MAP2: variants seen among roughly 807,000 people sequenced by gnomAD.
MAP2 encodes microtubule-associated protein 2.
Under a neutral mutation model 137.6 loss-of-function variants are expected in MAP2, and 14 were observed. The observed-to-expected ratio is 0.10, with a 90% confidence interval of 0.07 to 0.16. MAP2 has a LOEUF of 0.16. Ranked by LOEUF, MAP2 falls within the 10% of genes least tolerant of loss-of-function variation. The probability of loss-of-function intolerance (pLI) is 1.00; values close to 1 mark genes in which losing one functional copy is unlikely to be tolerated. For missense variants in MAP2, 2,088 were observed against 2,191.5 expected, an observed-to-expected ratio of 0.95 and a Z score of 0.94; for synonymous variants, 786 against 782.3, an observed-to-expected ratio of 1.00 and a Z score of -0.08.
At position 209,695,405 on chromosome 2, in the gene MAP2, A is replaced by T. The variant is rs2059937141; in HGVS notation, c.3235A>T (p.Thr1079Ser). ...ELKLEATQDM[T>S]PSSKAPQEAD... is the part of the protein sequence containing the mutation. ...AAAACTTGAGGCTACACAGGACATG[A>T]CCCCCTCATCCAAAGCACCGCAGGA... is the stretch of plus-strand genomic sequence containing the variant. The change falls in exon 8 of 16, where the codon ACC (threonine) becomes TCC (serine). Residue 1079 changes from threonine (T) to serine (S), a missense_variant. Around this residue, in one of 6 missense-constraint regions of MAP2, gnomAD observed 500 missense variants for 482.9 expected, o/e 1.04. Transcript: ENST00000682079. 6.2e-7 allele frequency: 1 copy of T among 1,612,980 alleles called. No individual in the cohort carries two copies. The highest frequency in any genetic ancestry group is 8.5e-7 in the Non-Finnish European group (1 of 1,179,596).
intron 3 of MAP2, among the ~76,000 whole-genome samples, chr2:209,616,408 C>T (rs931253583): frequency 6.9e-6 from 1 of 145,094 alleles, no homozygotes; most frequent in Admixed American, 6.7e-5. Flanking sequence ...CTTCAAAGAC[C>T]AAATTTGATT....
At chr2:209,672,264 C>T (rs1450228822) in intron 5 of MAP2, among the ~76,000 whole-genome samples, 2 of 151,582 alleles carry the variant, frequency 1.3e-5, no homozygotes, top group African/African-American at 2.4e-5. Flanking sequence ...TGTTAGGGTC[C>T]CAGCAGTGAC....
At chr2:209,668,287 A>C (rs2047222267) in intron 5 of MAP2, among the ~76,000 whole-genome samples, 1 of 152,028 alleles carries the variant, frequency 6.6e-6, no homozygotes, top group Non-Finnish European at 1.5e-5. Flanking sequence ...CAGTGGAGAG[A>C]TGCAGCTATA....
chr2:209,432,078 T>C (rs1360896743), intron 1 of MAP2, among the ~76,000 whole-genome samples: 1 of 152,214 alleles, frequency 6.6e-6, no homozygotes, highest in Non-Finnish European at 1.5e-5. Flanking sequence ...GATTTGAGTC[T>C]GTATTTAAAC....
intron 2 of MAP2, among the ~76,000 whole-genome samples, chr2:209,524,341 T>C (rs1278042431): frequency 6.6e-6 from 1 of 152,076 alleles, no homozygotes; most frequent in Non-Finnish European, 1.5e-5. Flanking sequence ...TTTTTTTTAT[T>C]TTTAACACAC....
intron 1 of MAP2, among the ~76,000 whole-genome samples, chr2:209,425,665 A>AGTT (rs1198972316): frequency 6.6e-6 from 1 of 152,228 alleles, no homozygotes; most frequent in Non-Finnish European, 1.5e-5. Context: ...TGGAGAACAA[A>AGTT]GCCTTCTATG....
At chr2:209,425,132 A>G (rs139259352) in intron 1 of MAP2, among the ~76,000 whole-genome samples, 1 of 152,258 alleles carries the variant, frequency 6.6e-6, no homozygotes, top group East Asian at 1.9e-4. Context: ...GGATGGAGTC[A>G]GAAAAAAAAT....
chr2:209,487,087 T>C (rs983263483), intron 1 of MAP2, among the ~76,000 whole-genome samples: 4 of 152,256 alleles, frequency 2.6e-5, no homozygotes, highest in South Asian at 2.1e-4. Flanking sequence ...AAATATACTT[T>C]ATGATAAATA....
At chr2:209,702,454 AT>A (rs566579115) in intron 11 of MAP2, among the ~76,000 whole-genome samples, 33 of 150,992 alleles carry the variant, frequency 2.2e-4, no homozygotes, top group Non-Finnish European at 3.3e-4. Context: ...CTGTTCTCTG[AT>A]TTTTTTTGGT....
chr2:209,622,367 G>A (rs1003010496), intron 3 of MAP2, among the ~76,000 whole-genome samples: 1 of 152,220 alleles, frequency 6.6e-6, no homozygotes, highest in African/African-American at 2.4e-5. Flanking sequence ...CTCAGTGTCT[G>A]TGGAGTTGGT....
At chr2:209,573,190 A>G (rs2074689790) in intron 2 of MAP2, among the ~76,000 whole-genome samples, 1 of 151,878 alleles carries the variant, frequency 6.6e-6, no homozygotes, top group African/African-American at 2.4e-5. Context: ...AACTTGTCAT[A>G]TTTTAATTAG....
At chr2:209,440,800 G>A (rs184336564) in intron 1 of MAP2, among the ~76,000 whole-genome samples, 1 of 151,610 alleles carries the variant, frequency 6.6e-6, no homozygotes, top group African/African-American at 2.4e-5. Context: ...CCAGTTATGA[G>A]TTTCCTACTG....
In MAP2 at chr2:209,696,273, C is replaced by T. The variant is rs768109414; in HGVS notation, c.4103C>T (p.Thr1368Ile). 2 of 1,606,170 alleles carry T rather than the reference C, an allele frequency of 1.2e-6. No homozygotes were observed. Among genetic ancestry groups the T allele is most frequent in the Admixed American group, 3.5e-5 (2 of 57,892 alleles). Residue 1368 changes from threonine (T) to isoleucine (I), a missense_variant, in exon 8 of 16, where the codon ACC becomes ATC. Thr to Ile is a moderately conservative substitution (Grantham distance 89). This residue lies in a region of MAP2 where 591 missense variants were observed against 642.6 expected (regional missense o/e 0.92). Coordinates refer to ENST00000682079, the MANE Select transcript of MAP2 (RefSeq NM_001375505.1). The part of the protein sequence containing the change: ...EVALSEYKTE[T>I]YDDYKDETTI... ...GCACTTTCTGAATATAAGACAGAAA[C>T]CTATGACGATTACAAAGATGAGACC...
chr2:209,694,866 G>T lies in MAP2; in HGVS notation c.2696G>T (p.Gly899Val), dbSNP rs768427991. The T allele has an allele frequency of 2.5e-6, 4 of 1,614,152 alleles. No individual in the cohort carries two copies. The highest frequency in any genetic ancestry group is 2.5e-6 in the Non-Finnish European group (3 of 1,180,020). The change falls in exon 8 of 16, where the codon GGC becomes GTC. Residue 899 changes from glycine to valine, a missense_variant. Physicochemically the swap from Gly to Val is moderately radical, Grantham distance 109. Coordinates refer to ENST00000682079, the MANE Select transcript of MAP2 (RefSeq NM_001375505.1). The part of the protein sequence containing the change: ...LSGESGTFYE[G>V]TDDKVRRDLA... ...GGGGAGAGTGGTACCTTTTACGAAG[G>T]CACTGATGATAAAGTTCGAAGAGAT...
chr2:209,691,842 A>G (rs1439172118), intron 7 of MAP2, among the ~76,000 whole-genome samples: 3 of 152,330 alleles, frequency 2.0e-5, no homozygotes, highest in East Asian at 3.9e-4. Context: ...TCCCAGTATC[A>G]ACAGTGTAAT....
intron 4 of MAP2, among the ~76,000 whole-genome samples, chr2:209,643,128 AG>A (rs749502732): frequency 3.3e-5 from 5 of 152,220 alleles, no homozygotes; most frequent in Non-Finnish European, 7.3e-5. Flanking sequence ...CAGAACACAT[AG>A]AAAACATTCT....
rs141235153 is a variant in MAP2, at chr2:209,695,754, A to C, written c.3584A>C (p.Glu1195Ala). The C allele has an allele frequency of 9.3e-6, 15 of 1,613,956 alleles. No individual in the cohort carries two copies. The highest frequency in any genetic ancestry group is 1.2e-5 in the Non-Finnish European group (14 of 1,179,966). ...ATDERADVQM[E>A]FIQGPKEESK... ...GATGAGAGAGCTGATGTCCAGATGG[A>C]ATTTATTCAGGGGCCAAAAGAAGAA... Residue 1195 changes from glutamate to alanine, a missense_variant, in exon 8 of 16, where the codon GAA becomes GCA. Around this residue, in one of 6 missense-constraint regions of MAP2, gnomAD observed 591 missense variants for 642.6 expected, o/e 0.92. Coordinates refer to ENST00000682079, the MANE Select transcript of MAP2 (RefSeq NM_001375505.1).
intron 1 of MAP2, among the ~76,000 whole-genome samples, chr2:209,490,605 CAAAAAAA>C (rs59133937): frequency 5.4e-4 from 3 of 5,560 alleles, no homozygotes; most frequent in African/African-American, 7.4e-4. Context: ...AAATGGAAAG[CAAAAAAA>C]AAAAAAAAAA....
At chr2:209,448,390 C>CAG (rs1699586855) in intron 1 of MAP2, among the ~76,000 whole-genome samples, 1 of 152,126 alleles carries the variant, frequency 6.6e-6, no homozygotes, top group South Asian at 2.1e-4. Context: ...TAATAATTAA[C>CAG]TGCTTCCCAA....
Sources: gnomAD v4.1 joint callset for allele counts (sites outside exome capture counted in the v4.1 genomes callset) on GRCh38, gnomAD v4.1.1 for gene constraint, gnomAD v4.1.1 regional missense constraint, MANE v1.5 for transcripts, NCBI Gene and HGNC (gene_info 2026-07-23, HGNC 2026-07-21) for gene names.